The following NRXN3 variants were observed in gnomAD, a reference collection of about 807,000 sequenced individuals.
The protein encoded by NRXN3 is neurexin 3, also known as neurexin III.
A neutral mutation model predicts 137.6 loss-of-function variants in NRXN3; 32 were observed. That is an observed-to-expected ratio of 0.23 (90% CI 0.18 to 0.31). The LOEUF (loss-of-function observed/expected upper bound fraction) is 0.31, where lower values mean the gene tolerates loss of function less well. Among genes scored for constraint, NRXN3 ranks in the 10% least tolerant of loss-of-function variants. The pLI is 1.00. For synonymous variants in NRXN3, 798 were observed against 784.5 expected (o/e 1.02, Z -0.29); for missense variants, 1,574 against 2,062.5 (o/e 0.76, Z 4.59).
chr14:79,472,419 GC>G (rs1474179826), intron 16 of NRXN3, among the ~76,000 whole-genome samples: 2 of 152,168 alleles, frequency 1.3e-5, no homozygotes, highest in Admixed American at 1.3e-4. Context: ...TTTAGAAATT[GC>G]TTGCTTCAAA....
At chr14:79,420,329 C>T (rs2095557632) in intron 15 of NRXN3, among the ~76,000 whole-genome samples, 2 of 152,198 alleles carry the variant, frequency 1.3e-5, no homozygotes, top group Admixed American at 1.3e-4. Context: ...CCCAGGCATT[C>T]TGTCTCTTAA....
intron 4 of NRXN3, among the ~76,000 whole-genome samples, chr14:78,530,912 C>T (rs1376007042): frequency 6.6e-6 from 1 of 152,130 alleles, no homozygotes; most frequent in Non-Finnish European, 1.5e-5. Flanking sequence ...TTCCCCTACT[C>T]ATTAGCTGTA....
At chr14:79,012,972 T>C (rs1002629103) in intron 15 of NRXN3, among the ~76,000 whole-genome samples, 20 of 152,172 alleles carry the variant, frequency 1.3e-4, no homozygotes, top group African/African-American at 4.8e-4. Context: ...TAGTAATGTT[T>C]TTTGACACTA....
At chr14:79,349,343 A>G (rs1259565620) in intron 15 of NRXN3, among the ~76,000 whole-genome samples, 1 of 152,084 alleles carries the variant, frequency 6.6e-6, no homozygotes, top group African/African-American at 2.4e-5. Context: ...AGTGACCACC[A>G]TAGAGGGGAG....
At chr14:78,510,428 T>C (rs2153788878) in intron 4 of NRXN3, among the ~76,000 whole-genome samples, 1 of 152,274 alleles carries the variant, frequency 6.6e-6, no homozygotes, top group East Asian at 1.9e-4. Flanking sequence ...ATCCTCACTA[T>C]TAAATTTTGT....
chr14:79,747,664 AC>A (rs2098983748), intron 19 of NRXN3, among the ~76,000 whole-genome samples: 1 of 152,184 alleles, frequency 6.6e-6, no homozygotes, highest in African/African-American at 2.4e-5. Context: ...TAATAATCTA[AC>A]ATATATTGTT....
Position 79,576,150 on chromosome 14 carries a change from G to A in NRXN3, c.3445-87628G>A, listed in dbSNP as rs142909081. ...ACTTATTTGATCTAGCTAAGTATAG[G>A]AGCAGAAATAAATTAAAAATGCTTT... On this transcript the variant is annotated intron_variant, in intron 16 of 20. Transcript: ENST00000335750. Among the ~76,000 whole-genome samples, 378 of 152,254 alleles carry A rather than the reference G, an allele frequency of 2.5e-3. 1 individual carries two copies. Among genetic ancestry groups the A allele is most frequent in the African/African-American group, 8.7e-3 (360 of 41,548 alleles).
At chr14:78,837,199 A>G (rs2098999519) in intron 10 of NRXN3, among the ~76,000 whole-genome samples, 1 of 152,214 alleles carries the variant, frequency 6.6e-6, no homozygotes, top group Non-Finnish European at 1.5e-5. Context: ...TTACAGCATT[A>G]CTATCCTTAA....
intron 4 of NRXN3, among the ~76,000 whole-genome samples, chr14:78,564,519 C>T (rs2096819515): frequency 1.3e-5 from 2 of 152,232 alleles, no homozygotes; most frequent in South Asian, 4.1e-4. Flanking sequence ...CCACTGCTTA[C>T]TCCTCACCTA....
chr14:78,350,680 C>T (rs975701489), intron 4 of NRXN3, among the ~76,000 whole-genome samples: 1 of 151,860 alleles, frequency 6.6e-6, no homozygotes, highest in Non-Finnish European at 1.5e-5. Context: ...GAAAAATCAC[C>T]CTGGTAACAA....
Position 78,967,370 on chromosome 14 carries a change from C to T in NRXN3, c.2940C>T (p.Ile980=), listed in dbSNP as rs2099420611. ...ACACCAAAGTGGTCACTCAGGTTAT[C>T]AATGGTGCCAAAAATCTGGATTTGA... is the stretch of plus-strand genomic sequence containing the variant. ...KVDTKVVTQV[I]NGAKNLDLKG... is the part of the protein sequence containing the mutation. The change falls in exon 13 of 21, where the codon ATC becomes ATT. Residue 980 remains isoleucine, a synonymous_variant. Transcript: ENST00000335750. 6.2e-7 allele frequency: 1 copy of T among 1,613,398 alleles called. No homozygotes were observed. Among genetic ancestry groups the T allele is most frequent in the Non-Finnish European group, 8.5e-7 (1 of 1,179,658 alleles).
chr14:78,564,918 C>T (rs1431653362), intron 4 of NRXN3, among the ~76,000 whole-genome samples: 2 of 152,158 alleles, frequency 1.3e-5, no homozygotes. Context: ...CTCCACTGAG[C>T]CTTTTCTGAC....
chr14:78,419,068 C>T (rs192154359), intron 4 of NRXN3, among the ~76,000 whole-genome samples: 2 of 152,224 alleles, frequency 1.3e-5, no homozygotes, highest in East Asian at 3.9e-4. Flanking sequence ...CTCAGTTACC[C>T]CTCAGCACCA....
intron 15 of NRXN3, among the ~76,000 whole-genome samples, chr14:79,256,172 G>GTCTCTC (rs111298626): frequency 6.9e-6 from 1 of 145,398 alleles, no homozygotes; most frequent in African/African-American, 2.5e-5. Flanking sequence ...CTCTCTCTCT[G>GTCTCTC]TCTCTCTCTC....
rs79970458 is a variant in NRXN3, at chr14:78,195,198, C to T, written c.-704+24524C>T. On this transcript the variant is annotated intron_variant, in intron 1 of 20. Transcript: ENST00000335750. ...TCAGGGAAAGAAAGAAAAATTAACCCGAAGAGGCCAGTATGAACCAGGCAC... is the reference window on the plus strand; with the variant it reads ...TCAGGGAAAGAAAGAAAAATTAACCTGAAGAGGCCAGTATGAACCAGGCAC... 1.8e-3 allele frequency among the ~76,000 whole-genome samples: 267 copies of T among 152,172 alleles called. 5 individuals carry two copies. Among genetic ancestry groups the T allele is most frequent in the Non-Finnish European group, 2.3e-3 (155 of 68,022 alleles).
intron 17 of NRXN3, among the ~76,000 whole-genome samples, chr14:79,678,187 G>GTTGA (rs1265366203): frequency 6.6e-6 from 1 of 152,054 alleles, no homozygotes; most frequent in Non-Finnish European, 1.5e-5. Context: ...ATAGCTAGCT[G>GTTGA]TTGATTAAAG....
intron 1 of NRXN3, among the ~76,000 whole-genome samples, chr14:78,216,739 C>G (rs2063324682): frequency 6.6e-6 from 1 of 152,198 alleles, no homozygotes; most frequent in African/African-American, 2.4e-5. Context: ...GTTCTGGAGG[C>G]CAGAAGTCTG....
intron 4 of NRXN3, among the ~76,000 whole-genome samples, chr14:78,395,465 G>GA (rs1226668570): frequency 2.6e-5 from 4 of 151,718 alleles, no homozygotes; most frequent in South Asian, 2.1e-4. Context: ...GACTATCTTG[G>GA]AAAAAAATGT....
intron 6 of NRXN3, among the ~76,000 whole-genome samples, chr14:78,693,148 G>T (rs2098189845): frequency 6.6e-6 from 1 of 151,916 alleles, no homozygotes; most frequent in Non-Finnish European, 1.5e-5. Context: ...ACAGTTCTTG[G>T]CACTTAGTAT....
Sources: allele counts gnomAD v4.1 joint callset (sites outside exome capture counted in the v4.1 genomes callset), GRCh38; gene constraint gnomAD v4.1.1; transcripts MANE v1.5; gene names NCBI Gene and HGNC (gene_info 2026-07-23, HGNC 2026-07-21).